Variants in IRS1 observed in about 807,000 individuals in gnomAD.
IRS1 encodes the protein insulin receptor substrate 1.
Under a neutral mutation model 65.6 loss-of-function variants are expected in IRS1, and 34 were observed. The observed-to-expected ratio is 0.52, with a 90% CI of 0.39 to 0.69. The LOEUF (loss-of-function observed/expected upper bound fraction) is 0.69. IRS1 is among the 30% of genes least tolerant of loss of function. IRS1 has a pLI of 0.00. For synonymous variants in IRS1, 699 were observed against 683.5 expected, an observed-to-expected ratio of 1.02 and a Z score of -0.35; for missense variants, 1,641 against 1,720.2, an observed-to-expected ratio of 0.95 and a Z score of 0.81.
At chr2:226,788,580 A>G (rs964967713) in intron 1 of IRS1, among the ~76,000 whole-genome samples, 3 of 152,184 alleles carry the variant, frequency 2.0e-5, no homozygotes, top group Non-Finnish European at 2.9e-5. Context: ...ACAGTACCTT[A>G]TACTTGTCCA....
chr2:226,783,954 T>C (rs1471250336), intron 1 of IRS1, among the ~76,000 whole-genome samples: 1 of 151,846 alleles, frequency 6.6e-6, no homozygotes, highest in African/African-American at 2.4e-5. Flanking sequence ...CGTGGACCAG[T>C]CAATAGCAAG....
At chr2:226,784,151 T>C (rs138727684) in intron 1 of IRS1, among the ~76,000 whole-genome samples, 2,950 of 152,260 alleles carry the variant, frequency 0.019, 44 homozygotes, top group Non-Finnish European at 0.031. Flanking sequence ...AAATGATTGA[T>C]GTTTTAAAGC....
chr2:226,789,241 G>A (rs1308981026), intron 1 of IRS1, among the ~76,000 whole-genome samples: 5 of 152,184 alleles, frequency 3.3e-5, no homozygotes, highest in East Asian at 1.9e-4. Flanking sequence ...GCATAAGTCC[G>A]TGGAGTTTCT....
chr2:226,777,803 G>C (rs1939302844), intron 1 of IRS1, among the ~76,000 whole-genome samples: 1 of 152,166 alleles, frequency 6.6e-6, no homozygotes, highest in Non-Finnish European at 1.5e-5. Context: ...TCCCCAGCCA[G>C]GTGGAACTGT....
At chr2:226,772,677 TAAAA>T (rs58764928) in intron 1 of IRS1, among the ~76,000 whole-genome samples, 1 of 108,620 alleles carries the variant, frequency 9.2e-6, no homozygotes, top group Non-Finnish European at 2.1e-5. Flanking sequence ...ACATGGACAG[TAAAA>T]AAAAAAAAAA....
intron 1 of IRS1, among the ~76,000 whole-genome samples, chr2:226,741,000 T>TAA (rs368514403): frequency 6.7e-6 from 1 of 149,382 alleles, no homozygotes; most frequent in African/African-American, 2.4e-5. Flanking sequence ...GTGTGCTTTT[T>TAA]AAAAAAAAAA....
chr2:226,785,931 C>T (rs1176508103), intron 1 of IRS1, among the ~76,000 whole-genome samples: 1 of 127,140 alleles, frequency 7.9e-6, no homozygotes, highest in African/African-American at 3.1e-5. Context: ...GTGTGATGTT[C>T]CCCTTCCTGC....
At chr2:226,785,849 C>T (rs1403087780) in intron 1 of IRS1, among the ~76,000 whole-genome samples, 4 of 148,880 alleles carry the variant, frequency 2.7e-5, no homozygotes, top group South Asian at 2.3e-4. Context: ...CCCATTAACT[C>T]GTCATTTAGC....
At position 226,799,545 on chromosome 2, in the gene IRS1, G is replaced by T. The variant is rs982094779; in HGVS notation, c.-807C>A. ...TCATCCCTGCCCCTCGCTCCAGGCG[G>T]CTGGGGAGGAGGGGAGGGGACAAGG... On this transcript the variant is annotated 5_prime_UTR_variant, in exon 1 of 2. Transcript: ENST00000305123. The surrounding 1 kb of genome is among the most constrained non-coding windows in gnomAD (Gnocchi z 6.1). The T allele has an allele frequency of 3.0e-5, 32 of 1,072,446 alleles. No individual in the cohort carries two copies. The highest frequency in any genetic ancestry group is 3.4e-5 in the Non-Finnish European group (30 of 871,728). 66.4% of individuals were successfully genotyped at this position (1,072,446 alleles called of 1,614,324 possible). A position where few individuals can be genotyped will look rare whatever the true frequency, so the allele number is the denominator to read the frequency against.
rs535371115 is a variant in IRS1 at position 226,789,491 on chromosome 2, G to GA, written c.*21+5497dup. On this transcript the variant is annotated intron_variant, in intron 1 of 1. Coordinates refer to ENST00000305123, the MANE Select transcript of IRS1 (RefSeq NM_005544.3). ...CCTAAGAGAGAAAAATAAAGCTAAA[G>GA]AAAAAATTGTGGAAGGCCTCCTATA... Among the ~76,000 whole-genome samples the GA allele has an allele frequency of 6.4e-4, 97 of 152,256 alleles. No individual in the cohort carries two copies. The East Asian group carries it at 0.018, about 29-fold the overall frequency.
rs896026781 is a variant in IRS1, at chr2:226,797,370, G to A, written c.1369C>T (p.Arg457Cys). Reference protein sequence around the residue: ...PDSLGHTPPARGEEELSNYIC... With the variant: ...PDSLGHTPPACGEEELSNYIC... ...TAGTTGCTTAGCTCCTCCTCACCGC[G>A]GGCTGGTGGGGTGTGGCCCAGGGAA... Residue 457 changes from arginine (R) to cysteine (C), a missense_variant, in exon 1 of 2, where the codon CGC becomes TGC. Around this residue, in one of 3 missense-constraint regions of IRS1, gnomAD observed 1,324 missense variants for 1,361.0 expected, o/e 0.97. Coordinates refer to ENST00000305123, the MANE Select transcript of IRS1 (RefSeq NM_005544.3). The surrounding 1 kb of genome is among the most constrained non-coding windows in gnomAD (Gnocchi z 8.1). 4 of 1,612,956 alleles carry A rather than the reference G, an allele frequency of 2.5e-6. No homozygotes were observed. The highest frequency in any genetic ancestry group is 2.2e-5 in the East Asian group (1 of 44,866).
intron 1 of IRS1, among the ~76,000 whole-genome samples, chr2:226,769,770 T>C (rs1314329490): frequency 2.6e-5 from 4 of 152,216 alleles, no homozygotes; most frequent in African/African-American, 4.8e-5. Context: ...ATATAAAAAT[T>C]AGTCATAAGC....
chr2:226,798,503 T>C lies in IRS1; in HGVS notation c.236A>G (p.Lys79Arg), dbSNP rs1288365568. Residue 79 changes from lysine to arginine, a missense_variant, in exon 1 of 2, where the codon AAG becomes AGG. Physicochemically the swap from Lys to Arg is conservative, Grantham distance 26 (BLOSUM62 2). Coordinates refer to ENST00000305123, the MANE Select transcript of IRS1 (RefSeq NM_005544.3). This position sits in a 1 kb window ranked among gnomAD's most constrained non-coding sequence, Gnocchi z 9.4. Reference sequence around the variant, plus strand: ...GTAGAGAGCCACCAGGTGCTTGTTCTTGGAGTCAGCCCGCTTGTTGATGTT... The same window carrying C: ...GTAGAGAGCCACCAGGTGCTTGTTCCTGGAGTCAGCCCGCTTGTTGATGTT... ...CFNINKRADS[K>R]NKHLVALYTR... 1.2e-6 allele frequency: 2 copies of C among 1,614,002 alleles called. No homozygotes were observed. Among genetic ancestry groups the C allele is most frequent in the Non-Finnish European group, 1.7e-6 (2 of 1,180,036 alleles).
intron 1 of IRS1, among the ~76,000 whole-genome samples, chr2:226,740,551 T>G (rs1057218471): frequency 3.9e-5 from 6 of 152,200 alleles, no homozygotes; most frequent in African/African-American, 1.2e-4. Context: ...GGAAAGCAGC[T>G]GGAAACAGCA....
chr2:226,755,378 ATGACGTTAACG>A (rs1938775495), intron 1 of IRS1, among the ~76,000 whole-genome samples: 1 of 152,222 alleles, frequency 6.6e-6, no homozygotes, highest in Non-Finnish European at 1.5e-5. Flanking sequence ...GGGGAAAACA[ATGACGTTAACG>A]TTAAAATATT....
In IRS1 at chr2:226,795,181, C is replaced by T; in HGVS notation, c.3558G>A (p.Lys1186=). The T allele has an allele frequency of 6.2e-7, 1 of 1,613,970 alleles. No individual in the cohort carries two copies. The highest frequency in any genetic ancestry group is 8.5e-7 in the Non-Finnish European group (1 of 1,180,018). ...ACTCCTGAGGGCACTGTTTGAAGTC[C>T]TTGACCAAATCCAGGTCTATGTAGT... is the stretch of plus-strand genomic sequence containing the variant. The part of the protein sequence containing the change: ...GLNYIDLDLV[K]DFKQCPQECT... Residue 1186 remains lysine, a synonymous_variant, in exon 1 of 2, where the codon AAG becomes AAA. Transcript: ENST00000305123.
chr2:226,758,633 C>T (rs1938850474), intron 1 of IRS1, among the ~76,000 whole-genome samples: 1 of 151,946 alleles, frequency 6.6e-6, no homozygotes, highest in Non-Finnish European at 1.5e-5. Flanking sequence ...TTCTTGGTTT[C>T]CAAGAGGCTG....
chr2:226,764,995 A>C (rs553594291), intron 1 of IRS1, among the ~76,000 whole-genome samples: 1 of 152,264 alleles, frequency 6.6e-6, no homozygotes, highest in Non-Finnish European at 1.5e-5. Flanking sequence ...AAAGGCAAGA[A>C]AATCTACTTA....
At position 226,744,409 on chromosome 2, in the gene IRS1, G is replaced by T. The variant is rs187448245; in HGVS notation, c.*22-8159C>A. Among the ~76,000 whole-genome samples the T allele has an allele frequency of 1.5e-3, 223 of 152,270 alleles. 1 individual carries two copies. Among genetic ancestry groups the T allele is most frequent in the African/African-American group, 4.6e-3 (193 of 41,530 alleles). Reference sequence around the variant, plus strand: ...TTAAACAGGCCTAACAGAGGACAATGCCACTCCCAATAGTTTCTAATAGGG... The same window carrying T: ...TTAAACAGGCCTAACAGAGGACAATTCCACTCCCAATAGTTTCTAATAGGG... On this transcript the variant is annotated intron_variant, in intron 1 of 1. Transcript: ENST00000305123.
Sources: allele counts gnomAD v4.1 joint callset (sites outside exome capture counted in the v4.1 genomes callset), GRCh38; gene constraint gnomAD v4.1.1; regional missense constraint gnomAD v4.1.1; non-coding constraint Gnocchi (gnomAD v3.1); transcripts MANE v1.5; gene names NCBI Gene and HGNC (gene_info 2026-07-23, HGNC 2026-07-21).